The following CREBBP variants were observed in gnomAD, a reference collection of about 807,000 sequenced individuals.
The protein encoded by CREBBP is CREB binding lysine acetyltransferase, also known as CREB-binding protein.
CREBBP carries 19 observed loss-of-function variants against 265.0 expected under a neutral mutation model. The observed-to-expected ratio is 0.07, with a 90% CI of 0.05 to 0.11. The LOEUF (loss-of-function observed/expected upper bound fraction) is 0.11, where lower values mean the gene tolerates loss of function less well. Among genes scored for constraint, CREBBP ranks in the 10% least tolerant of loss-of-function variants. CREBBP has a pLI of 1.00. For missense variants in CREBBP, 2,525 were observed against 3,219.0 expected (o/e 0.78, Z 5.22); for synonymous variants, 1,457 against 1,223.7 (o/e 1.19, Z -3.98).
rs142798780 is a variant in CREBBP, at chr16:3,829,784, T to C, written c.799-19005A>G. ...TTTCCACTACACAGTCTAAAAGTAC[T>C]GGACATGCCAAGGAGCAGGAAGATG... On this transcript the variant is annotated intron_variant, in intron 2 of 30. Coordinates refer to ENST00000262367, the MANE Select transcript of CREBBP (RefSeq NM_004380.3). Among the ~76,000 whole-genome samples, 234 of 152,310 alleles carry C rather than the reference T, an allele frequency of 1.5e-3. 1 individual carries two copies. Among genetic ancestry groups the C allele is most frequent in the African/African-American group, 4.6e-3 (191 of 41,552 alleles).
intron 23 of CREBBP, chr16:3,741,614 G>C (rs760845525): frequency 3.3e-5 from 5 of 151,060 alleles, no homozygotes; most frequent in Non-Finnish European, 7.4e-5. Context: ...AGACCAGCCT[G>C]ACCAAAACGG....
At chr16:3,730,655 C>A in intron 30 of CREBBP, 1 of 176,262 alleles carries the variant, frequency 5.7e-6, no homozygotes, top group East Asian at 1.5e-4. Flanking sequence ...ACCCGCTCTG[C>A]CCCGCTACAG....
intron 2 of CREBBP, among the ~76,000 whole-genome samples, chr16:3,831,862 T>C (rs968370658): frequency 1.3e-5 from 2 of 151,994 alleles, no homozygotes; most frequent in Admixed American, 6.5e-5. Context: ...CCAGGCATGG[T>C]GGTGTGCGCC....
At chr16:3,741,730 A>C (rs553943369) in intron 23 of CREBBP, 1 of 152,222 alleles carries the variant, frequency 6.6e-6, no homozygotes, top group East Asian at 1.9e-4. Context: ...ACCTGAGGTC[A>C]GGAGTTCGAG....
chr16:3,795,145 A>G (rs1331926681), intron 3 of CREBBP, among the ~76,000 whole-genome samples: 1 of 152,192 alleles, frequency 6.6e-6, no homozygotes, highest in Non-Finnish European at 1.5e-5. Flanking sequence ...ACCCAAAGCA[A>G]TTCTGAGAAG....
At chr16:3,803,618 G>A (rs1233916602) in intron 3 of CREBBP, among the ~76,000 whole-genome samples, 2 of 152,048 alleles carry the variant, frequency 1.3e-5, no homozygotes, top group Non-Finnish European at 2.9e-5. Context: ...AATGGCTAAG[G>A]GGAGCAGGAA....
intron 1 of CREBBP, among the ~76,000 whole-genome samples, chr16:3,861,146 G>A (rs886584790): frequency 3.9e-5 from 6 of 152,140 alleles, no homozygotes; most frequent in Non-Finnish European, 8.8e-5. Flanking sequence ...GCTGGGCGTG[G>A]TGGCAGGTGC....
In CREBBP at chr16:3,736,366, C is replaced by T; in HGVS notation, c.4561-163G>A. On this transcript the variant is annotated intron_variant, in intron 27 of 30. Coordinates refer to ENST00000262367, the MANE Select transcript of CREBBP (RefSeq NM_004380.3). ...GCAGCAGACCCCCACACATGTGCACCCCCCACCACAGTGCTGGAGCCCCTA... is the reference window on the plus strand; with the variant it reads ...GCAGCAGACCCCCACACATGTGCACTCCCCACCACAGTGCTGGAGCCCCTA... The T allele has an allele frequency of 3.8e-6, 3 of 791,066 alleles. No homozygotes were observed. The South Asian group carries it at 4.7e-5, about 12-fold the overall frequency. The allele number at this position is 791,066 out of a possible 1,614,324, so 49.0% of individuals were successfully genotyped here. A position where few individuals can be genotyped will look rare whatever the true frequency, so the allele number is the denominator to read the frequency against.
Position 3,770,993 on chromosome 16 carries a change from G to C in CREBBP, c.2464-7C>G, listed in dbSNP as rs772258017. On this transcript the variant is annotated splice_polypyrimidine_tract_variant and splice_region_variant and intron_variant, in intron 13 of 30. Transcript: ENST00000262367. ...CAGCACCAGGCACCTGTCCCTACCAGAAATGGACAGAGTATGGTAAAATTA... is the reference window on the plus strand; with the variant it reads ...CAGCACCAGGCACCTGTCCCTACCACAAATGGACAGAGTATGGTAAAATTA... The C allele has an allele frequency of 9.3e-6, 15 of 1,612,908 alleles. No homozygotes were observed. The highest frequency in any genetic ancestry group is 1.3e-5 in the Non-Finnish European group (15 of 1,179,774).
At chr16:3,856,014 T>C (rs147166204) in intron 1 of CREBBP, among the ~76,000 whole-genome samples, 1 of 152,268 alleles carries the variant, frequency 6.6e-6, no homozygotes, top group African/African-American at 2.4e-5. Flanking sequence ...ATTTGCTCAT[T>C]ATGCATTGCA....
At chr16:3,837,047 A>T (rs182555746) in intron 2 of CREBBP, among the ~76,000 whole-genome samples, 1 of 152,232 alleles carries the variant, frequency 6.6e-6, no homozygotes, top group Non-Finnish European at 1.5e-5. Context: ...TACACTTATT[A>T]GAGTATAATC....
rs182075315 is a variant in CREBBP at position 3,813,401 on chromosome 16, G to T, written c.799-2622C>A. On this transcript the variant is annotated intron_variant, in intron 2 of 30. Transcript: ENST00000262367. ...TAAATATTAAGCACATTTCTGATTT[G>T]CAAGAAGCTTCCTTCAACTGTCATC... Among the ~76,000 whole-genome samples the T allele has an allele frequency of 4.2e-3, 632 of 152,262 alleles. 4 individuals are homozygous for T. Among genetic ancestry groups the T allele is most frequent in the Non-Finnish European group, 7.2e-3 (492 of 68,008 alleles).
In CREBBP at chr16:3,751,771, T is replaced by C. The variant is rs2151373748; in HGVS notation, c.3734A>G (p.Gln1245Arg). 1 of 1,614,148 alleles carries C rather than the reference T, an allele frequency of 6.2e-7. No individual in the cohort carries two copies. The highest frequency in any genetic ancestry group is 8.5e-7 in the Non-Finnish European group (1 of 1,180,026). ...HFCEKCFTEI[Q>R]GENVTLGDDP... is the part of the protein sequence containing the mutation. The stretch of plus-strand genomic sequence containing the variant: ...GTCACCCAGGGTCACATTCTCGCCC[T>C]GGATCTCTGTGAAACACTTCTCACA... The change falls in exon 20 of 31, where the codon CAG (glutamine) becomes CGG (arginine). Residue 1245 changes from glutamine (Q) to arginine (R), a missense_variant. Physicochemically the swap from Gln to Arg is conservative, Grantham distance 43. This residue lies in a region of CREBBP where 252 missense variants were observed against 452.5 expected (regional missense o/e 0.56). Transcript: ENST00000262367.
At chr16:3,861,870 C>A (rs1419468570) in intron 1 of CREBBP, among the ~76,000 whole-genome samples, 3 of 151,570 alleles carry the variant, frequency 2.0e-5, no homozygotes, top group Admixed American at 6.6e-5. Flanking sequence ...CTAATTAGAA[C>A]AGAACAATGA....
chr16:3,858,069 G>C (rs1341801560), intron 1 of CREBBP, among the ~76,000 whole-genome samples: 2 of 152,082 alleles, frequency 1.3e-5, no homozygotes, highest in African/African-American at 4.8e-5. Context: ...TCTGCATGCA[G>C]ACTGTTAGGT....
At chr16:3,752,818 C>T (rs1258409150) in intron 19 of CREBBP, among the ~76,000 whole-genome samples, 1 of 152,148 alleles carries the variant, frequency 6.6e-6, no homozygotes, top group Non-Finnish European at 1.5e-5. Context: ...AGAAATTATC[C>T]ATCACCCCAA....
Position 3,792,036 on chromosome 16 carries a change from A to G in CREBBP, c.1275T>C (p.His425=), listed in dbSNP as rs758886547. Residue 425 remains histidine, a synonymous_variant, in exon 5 of 31, where the codon CAT becomes CAC. Transcript: ENST00000262367. ...IISHWKNCTR[H]DCPVCLPLKN... is the part of the protein sequence containing the mutation. The stretch of plus-strand genomic sequence containing the variant: ...TCAAAGGGAGGCAAACAGGACAGTC[A>G]TGTCGTGTGCAGTTCTTCCAATGAG... The G allele has an allele frequency of 2.4e-5, 39 of 1,614,142 alleles. No homozygotes were observed. Among genetic ancestry groups the G allele is most frequent in the Admixed American group, 6.7e-5 (4 of 60,014 alleles).
intron 2 of CREBBP, among the ~76,000 whole-genome samples, chr16:3,847,906 C>T (rs2054701601): frequency 1.3e-5 from 2 of 152,184 alleles, no homozygotes; most frequent in African/African-American, 4.8e-5. Context: ...TGGTGGCTCA[C>T]GCCTGTAATC....
chr16:3,855,651 G>A (rs1386184831), intron 1 of CREBBP, among the ~76,000 whole-genome samples: 1 of 152,180 alleles, frequency 6.6e-6, no homozygotes, highest in African/African-American at 2.4e-5. Flanking sequence ...TACAGGGCAT[G>A]TCATTTTGAA....
Sources: gnomAD v4.1 joint callset for allele counts (sites outside exome capture counted in the v4.1 genomes callset) on GRCh38, gnomAD v4.1.1 for gene constraint, gnomAD v4.1.1 regional missense constraint, MANE v1.5 for transcripts, NCBI Gene and HGNC (gene_info 2026-07-23, HGNC 2026-07-21) for gene names.